The following KYNU variants were observed in gnomAD, a reference collection of about 807,000 sequenced individuals.
The protein encoded by KYNU is L-kynurenine hydrolase.
In KYNU, 54 loss-of-function variants were observed where a neutral mutation model predicts 59.2. That is an observed-to-expected ratio of 0.91 (90% CI 0.73 to 1.14). The LOEUF (loss-of-function observed/expected upper bound fraction) is 1.14. KYNU is among the 50% of genes most tolerant of loss of function. The probability of loss-of-function intolerance (pLI) is 0.00; values close to 1 mark genes in which losing one functional copy is unlikely to be tolerated. For missense variants in KYNU, 567 were observed against 554.4 expected (o/e 1.02, Z -0.23); for synonymous variants, 177 against 192.0 (o/e 0.92, Z 0.65).
intron 3 of KYNU, among the ~76,000 whole-genome samples, chr2:142,924,665 C>A (rs1355621550): frequency 5.3e-5 from 8 of 152,180 alleles, no homozygotes; most frequent in Non-Finnish European, 2.9e-5. Context: ...AGAAAACACC[C>A]ACTTATAGCA....
At chr2:143,011,355 A>G (rs1438891423) in intron 10 of KYNU, among the ~76,000 whole-genome samples, 3 of 125,960 alleles carry the variant, frequency 2.4e-5, no homozygotes, top group African/African-American at 3.4e-5. Flanking sequence ...AATCAAAACC[A>G]CAATGAGATA....
chr2:142,988,744 C>A lies in KYNU; in HGVS notation c.902+2723C>A, dbSNP rs1452225828. 5.7e-6 allele frequency: 5 copies of A among 875,040 alleles called. No individual in the cohort carries two copies. In the African/African-American group the frequency reaches 6.6e-5, roughly 12 times the overall value. The allele number at this position is 875,040 out of a possible 1,614,324, so 54.2% of individuals were successfully genotyped here. Reference sequence around the variant, plus strand: ...ATTGTTTTCTCACACTCCTAAGCTTCTTTTTAAGTGATGTCAGTGACTGAT... The same window carrying A: ...ATTGTTTTCTCACACTCCTAAGCTTATTTTTAAGTGATGTCAGTGACTGAT... On this transcript the variant is annotated intron_variant, in intron 10 of 13. Transcript: ENST00000264170.
chr2:143,018,057 T>C (rs1412117691), intron 10 of KYNU, among the ~76,000 whole-genome samples: 1 of 152,212 alleles, frequency 6.6e-6, no homozygotes, highest in Non-Finnish European at 1.5e-5. Context: ...GTCAGATGCA[T>C]AGTTTGTAAA....
intron 2 of KYNU, among the ~76,000 whole-genome samples, chr2:142,913,697 G>A (rs1264989420): frequency 6.6e-6 from 1 of 152,206 alleles, no homozygotes; most frequent in African/African-American, 2.4e-5. Flanking sequence ...TTTTGTAGAT[G>A]TCTATTAGGT....
At chr2:143,038,647 C>A (rs1419726486) in intron 12 of KYNU, among the ~76,000 whole-genome samples, 2 of 152,100 alleles carry the variant, frequency 1.3e-5, no homozygotes, top group Non-Finnish European at 2.9e-5. Flanking sequence ...GAGACAGGCA[C>A]CATTCTGTCC....
In KYNU at chr2:143,033,359, G is replaced by A. The variant is rs576337835; in HGVS notation, c.1041+38G>A. Reference sequence around the variant, plus strand: ...TGTTTCAACCTTCCCACATCTTTGCGTTTTTTCTTGATCTGTTTGTGACAA... The same window carrying A: ...TGTTTCAACCTTCCCACATCTTTGCATTTTTTCTTGATCTGTTTGTGACAA... On this transcript the variant is annotated intron_variant, in intron 12 of 13. Coordinates refer to ENST00000264170, the MANE Select transcript of KYNU (RefSeq NM_003937.3). The A allele has an allele frequency of 2.3e-5, 33 of 1,413,686 alleles. No homozygotes were observed. The East Asian group carries it at 4.6e-4, about 20-fold the overall frequency. The allele number at this position is 1,413,686 out of a possible 1,614,324, so 87.6% of individuals were successfully genotyped here.
At chr2:142,883,191 T>TC (rs1430643403) in intron 1 of KYNU, among the ~76,000 whole-genome samples, 2 of 117,286 alleles carry the variant, frequency 1.7e-5, no homozygotes. Context: ...AATTTCTTTT[T>TC]TTTTTTTTTT....
intron 6 of KYNU, among the ~76,000 whole-genome samples, chr2:142,956,692 A>G (rs1318550968): frequency 1.3e-5 from 2 of 152,208 alleles, no homozygotes; most frequent in Non-Finnish European, 1.5e-5. Context: ...GCATGCTAGC[A>G]TAAATGTTGG....
At position 142,983,305 on chromosome 2, in the gene KYNU, A is replaced by G. The variant is rs567059351; in HGVS notation, c.730-1779A>G. Among the ~76,000 whole-genome samples, 4 of 152,178 alleles carry G rather than the reference A, an allele frequency of 2.6e-5. No homozygotes were observed. In the South Asian group the frequency reaches 8.3e-4, roughly 32 times the overall value. On this transcript the variant is annotated intron_variant, in intron 8 of 13. Coordinates refer to ENST00000264170, the MANE Select transcript of KYNU (RefSeq NM_003937.3). Reference sequence around the variant, plus strand: ...TCTCATAGAGATGGCAGAGAGCAAGAGGGAGCAAGCTTAGTCACTCAAGTA... The same window carrying G: ...TCTCATAGAGATGGCAGAGAGCAAGGGGGAGCAAGCTTAGTCACTCAAGTA...
At chr2:142,901,617 C>T (rs970929500) in intron 2 of KYNU, among the ~76,000 whole-genome samples, 2 of 152,096 alleles carry the variant, frequency 1.3e-5, no homozygotes, top group Non-Finnish European at 2.9e-5. Flanking sequence ...TTAGGAATTC[C>T]CTTTTTTTCC....
At position 143,050,737 on chromosome 2, in the gene KYNU, T is replaced by G. The variant is rs1218548232; in HGVS notation, c.*8565T>G. The stretch of plus-strand genomic sequence containing the variant: ...AATAAACTTTTCTACAGCTATTTTA[T>G]GCTCAATAACTTTCTACTTATTCTT... On this transcript the variant is annotated 3_prime_UTR_variant, in exon 14 of 14. Coordinates refer to ENST00000264170, the MANE Select transcript of KYNU (RefSeq NM_003937.3). 1 of 152,256 alleles carries G rather than the reference T, an allele frequency of 6.6e-6. No homozygotes were observed. The highest frequency in any genetic ancestry group is 1.5e-5 in the Non-Finnish European group (1 of 68,036). The allele number at this position is 152,256 out of a possible 1,614,324, so 9.4% of individuals were successfully genotyped here. A position where few individuals can be genotyped will look rare whatever the true frequency, so the allele number is the denominator to read the frequency against.
chr2:142,902,596 G>A (rs866914945), intron 2 of KYNU, among the ~76,000 whole-genome samples: 1 of 152,212 alleles, frequency 6.6e-6, no homozygotes. Flanking sequence ...GAGGGCCCTG[G>A]TGCCTTTGGA....
chr2:142,988,148 GAAA>G (rs894881301), intron 10 of KYNU, among the ~76,000 whole-genome samples: 1 of 149,516 alleles, frequency 6.7e-6, no homozygotes, highest in Non-Finnish European at 1.5e-5. Context: ...GGGGTTATAT[GAAA>G]AAAAAAATCC....
chr2:142,887,033 A>G (rs1370417730), intron 2 of KYNU, among the ~76,000 whole-genome samples: 1 of 151,918 alleles, frequency 6.6e-6, no homozygotes, highest in East Asian at 1.9e-4. Flanking sequence ...AGCCGGGCGT[A>G]GTGGCGGGCG....
At chr2:143,017,275 T>C (rs553701672) in intron 10 of KYNU, among the ~76,000 whole-genome samples, 123 of 152,146 alleles carry the variant, frequency 8.1e-4, no homozygotes, top group Non-Finnish European at 1.4e-3. Context: ...AGTAATGAGA[T>C]TGCTGGGTTG....
At chr2:142,889,029 C>A (rs754797160) in intron 2 of KYNU, among the ~76,000 whole-genome samples, 1 of 151,540 alleles carries the variant, frequency 6.6e-6, no homozygotes, top group African/African-American at 2.4e-5. Flanking sequence ...AGGAAGTGAG[C>A]CTCATGGAGC....
rs1686821891 is a variant in KYNU, at chr2:143,033,758, T to G, written c.1041+437T>G. Among the ~76,000 whole-genome samples, 15 of 152,196 alleles carry G rather than the reference T, an allele frequency of 9.9e-5. No individual in the cohort carries two copies. The South Asian group carries it at 3.1e-3, about 31-fold the overall frequency. On this transcript the variant is annotated intron_variant, in intron 12 of 13. Coordinates refer to ENST00000264170, the MANE Select transcript of KYNU (RefSeq NM_003937.3). Reference sequence around the variant, plus strand: ...TGATGTGATTACTAGGGACTGTACTTTTTCTAGTTCATTGTAGGTGAATGA... The same window carrying G: ...TGATGTGATTACTAGGGACTGTACTGTTTCTAGTTCATTGTAGGTGAATGA...
chr2:143,034,527 C>A (rs968904429), intron 12 of KYNU, among the ~76,000 whole-genome samples: 1 of 152,168 alleles, frequency 6.6e-6, no homozygotes, highest in Non-Finnish European at 1.5e-5. Context: ...CACCTCATTT[C>A]ATTCTGTCTC....
At chr2:142,906,815 C>T (rs970721718) in intron 2 of KYNU, among the ~76,000 whole-genome samples, 1 of 152,138 alleles carries the variant, frequency 6.6e-6, no homozygotes, top group South Asian at 2.1e-4. Flanking sequence ...ATGATCTCGA[C>T]CGGCCAATGC....
Sources: gnomAD v4.1 joint callset for allele counts (sites outside exome capture counted in the v4.1 genomes callset) on GRCh38, gnomAD v4.1.1 for gene constraint, MANE v1.5 for transcripts, NCBI Gene and HGNC (gene_info 2026-07-23, HGNC 2026-07-21) for gene names.